The following ZER1 variants were observed in gnomAD, a reference collection of about 807,000 sequenced individuals.
ZER1 encodes the protein protein zer-1 homolog.
A neutral mutation model predicts 78.8 loss-of-function variants in ZER1; 11 were observed. The ratio of observed to expected loss-of-function variants is 0.14; its 90% CI spans 0.09 to 0.23. The LOEUF is 0.23. Ranked by LOEUF, ZER1 falls within the 10% of genes least tolerant of loss-of-function variation. The pLI, the probability that ZER1 is intolerant of heterozygous loss-of-function variation, is 1.00. For missense variants in ZER1, 588 were observed against 996.9 expected, an observed-to-expected ratio of 0.59 and a Z score of 5.52; for synonymous variants, 400 against 407.0, an observed-to-expected ratio of 0.98 and a Z score of 0.21.
chr9:128,736,551 G>A (rs1863089013), intron 13 of ZER1, among the ~76,000 whole-genome samples: 1 of 149,880 alleles, frequency 6.7e-6, no homozygotes. Flanking sequence ...ATGCCACCAT[G>A]CCCAGCTAAT....
chr9:128,758,590 T>G (rs929540091), intron 1 of ZER1, among the ~76,000 whole-genome samples: 1 of 151,934 alleles, frequency 6.6e-6, no homozygotes, highest in African/African-American at 2.4e-5. Context: ...GGCTAATCTT[T>G]CTGGTTTCTT....
At position 128,750,767 on chromosome 9, in the gene ZER1, C is replaced by T. The variant is rs1210422801; in HGVS notation, c.1208G>A (p.Cys403Tyr). 2.5e-6 allele frequency: 4 copies of T among 1,614,054 alleles called. No individual in the cohort carries two copies. Among genetic ancestry groups the T allele is most frequent in the Non-Finnish European group, 3.4e-6 (4 of 1,180,048 alleles). The change falls in exon 8 of 16, where the codon TGC becomes TAC. Residue 403 changes from cysteine to tyrosine, a missense_variant. Physicochemically the swap from Cys to Tyr is radical, Grantham distance 194. This residue lies in a region of ZER1 where 406 missense variants were observed against 660.1 expected (regional missense o/e 0.62). Coordinates refer to ENST00000291900, the MANE Select transcript of ZER1 (RefSeq NM_006336.4). ...TTGAATGTTCCTGTCATATTTGTGG[C>T]ACTTGAGGGCCGTGATGACCAGCTG... ...ALKLVITALK[C>Y]HKYDRNIQVT...
At chr9:128,749,227 C>CT (rs1863598992) in intron 8 of ZER1, among the ~76,000 whole-genome samples, 1 of 151,708 alleles carries the variant, frequency 6.6e-6, no homozygotes, top group South Asian at 2.1e-4. Flanking sequence ...ACTAGGGGGG[C>CT]TGAGGCAGGA....
At chr9:128,744,790 T>C (rs2132422809) in intron 8 of ZER1, among the ~76,000 whole-genome samples, 1 of 152,324 alleles carries the variant, frequency 6.6e-6, no homozygotes, top group Admixed American at 6.5e-5. Context: ...GCCCCCGCTT[T>C]TTATAGAGAT....
chr9:128,770,938 A>G (rs1369602719), intron 1 of ZER1, among the ~76,000 whole-genome samples: 1 of 152,118 alleles, frequency 6.6e-6, no homozygotes, highest in African/African-American at 2.4e-5. Context: ...TGGAGGCTGG[A>G]GCGGGCGGAT....
In ZER1 at chr9:128,753,665, C is replaced by T. The variant is rs771631432; in HGVS notation, c.310-65G>A. On this transcript the variant is annotated intron_variant, in intron 3 of 15. Coordinates refer to ENST00000291900, the MANE Select transcript of ZER1 (RefSeq NM_006336.4). This position sits in a 1 kb window ranked among gnomAD's most constrained non-coding sequence, Gnocchi z 7.5. ...CCCCTTCCCCCGGCCCCAGGCCTTG[C>T]CCTGGGCTACAGGTGGGTTGGAAAG... 5.8e-5 allele frequency: 91 copies of T among 1,580,590 alleles called. No homozygotes were observed. Among genetic ancestry groups the T allele is most frequent in the Non-Finnish European group, 7.3e-5 (85 of 1,163,434 alleles).
chr9:128,752,548 T>C, intron 5 of ZER1, 125 bp downstream of exon 5: 1 of 1,074,406 alleles, frequency 9.3e-7, no homozygotes, highest in Non-Finnish European at 1.3e-6. Flanking sequence ...CTCTAACTCC[T>C]GGCCTCAAGT....
rs1053341356 is a variant in ZER1 at position 128,736,673 on chromosome 9, T to A, written c.2043-1242A>T. Among the ~76,000 whole-genome samples the A allele has an allele frequency of 6.1e-5, 7 of 114,230 alleles. No homozygotes were observed. In the East Asian group the frequency reaches 1.5e-3, roughly 25 times the overall value. The allele number at this position is 114,230 out of a possible 152,430, so 74.9% of individuals were successfully genotyped here. On this transcript the variant is annotated intron_variant, in intron 13 of 15. Transcript: ENST00000291900. The stretch of plus-strand genomic sequence containing the variant: ...CAGGCGTGAGCCACCATGCCTGGCC[T>A]TTTTTTTTTTTTTTTTGGAGAAAGG...
intron 13 of ZER1, among the ~76,000 whole-genome samples, chr9:128,737,275 G>A (rs953276214): frequency 3.3e-5 from 5 of 151,938 alleles, no homozygotes; most frequent in East Asian, 3.9e-4. Flanking sequence ...GTGAGCCACC[G>A]CATCCGGCCT....
chr9:128,762,192 T>C lies in ZER1; in HGVS notation c.-94-6533A>G, dbSNP rs189913317. Among the ~76,000 whole-genome samples the C allele has an allele frequency of 5.1e-4, 78 of 152,210 alleles. 1 individual carries two copies. The highest frequency in any genetic ancestry group is 3.4e-3 in the Middle Eastern group (1 of 294). ...GCCCAAGACAGTTCCTTTTCCAGTG[T>C]GGCCCAGGGAAGCTAAAAGATTGGA... On this transcript the variant is annotated intron_variant, in intron 1 of 15. Coordinates refer to ENST00000291900, the MANE Select transcript of ZER1 (RefSeq NM_006336.4).
chr9:128,749,707 C>G (rs2132438230), intron 8 of ZER1, among the ~76,000 whole-genome samples: 1 of 151,338 alleles, frequency 6.6e-6, no homozygotes, highest in East Asian at 1.9e-4. Context: ...CCCGCCACTG[C>G]TCTCCAGCTT....
chr9:128,749,843 A>G (rs4837304), intron 8 of ZER1, among the ~76,000 whole-genome samples: 131,403 of 151,988 alleles, frequency 0.86, 58,247 homozygotes, highest in Non-Finnish European at 0.96. Flanking sequence ...CAGGAGTTCG[A>G]GACCAGCCTG....
At position 128,747,413 on chromosome 9, in the gene ZER1, C is replaced by T. The variant is rs76690655; in HGVS notation, c.1359+3203G>A. On this transcript the variant is annotated intron_variant, in intron 8 of 15. Transcript: ENST00000291900. ...GACCTTGGCCACTCCCTCCAAGCTC[C>T]AGCAGAGTCCTCCACACAGTGGCCT... 7.1e-3 allele frequency among the ~76,000 whole-genome samples: 1,086 copies of T among 152,270 alleles called. 16 individuals carry two copies. Among genetic ancestry groups the T allele is most frequent in the African/African-American group, 0.02 (847 of 41,550 alleles).
At position 128,761,749 on chromosome 9, in the gene ZER1, C is replaced by T. The variant is rs746052989; in HGVS notation, c.-94-6090G>A. ...CCTCCCAAGTAGCTGGGACTACAGG[C>T]GCCTGCGACCACGCTCGGCTAATTT... is the stretch of plus-strand genomic sequence containing the variant. On this transcript the variant is annotated intron_variant, in intron 1 of 15. Transcript: ENST00000291900. Among the ~76,000 whole-genome samples, 3 of 151,654 alleles carry T rather than the reference C, an allele frequency of 2.0e-5. No individual in the cohort carries two copies. In the South Asian group the frequency reaches 6.2e-4, roughly 32 times the overall value.
chr9:128,730,498 A>G lies in ZER1; in HGVS notation c.*839T>C, dbSNP rs1468004042. ...AGCGAGGAAGCAAGCCCCTGGCCCC[A>G]GAAGATGCTAGCTTCCAGGGCTGAG... On this transcript the variant is annotated 3_prime_UTR_variant, in exon 16 of 16. Coordinates refer to ENST00000291900, the MANE Select transcript of ZER1 (RefSeq NM_006336.4). 6.5e-6 allele frequency: 1 copy of G among 153,030 alleles called. No homozygotes were observed. The highest frequency in any genetic ancestry group is 1.5e-5 in the Non-Finnish European group (1 of 68,292). The allele number at this position is 153,030 out of a possible 1,614,324, so 9.5% of individuals were successfully genotyped here.
chr9:128,751,545 C>T lies in ZER1; in HGVS notation c.924-18G>A, dbSNP rs777957342. On this transcript the variant is annotated intron_variant, in intron 5 of 15. Transcript: ENST00000291900. This position sits in a 1 kb window ranked among gnomAD's most constrained non-coding sequence, Gnocchi z 5.4. ...GCTCAATGCTGGGGAAAGAGGGTGC[C>T]GGTGTCAGTGGCTTGGGACCCAGGC... 2.5e-5 allele frequency: 41 copies of T among 1,608,178 alleles called. 1 individual carries two copies. The highest frequency in any genetic ancestry group is 2.5e-4 in the Admixed American group (15 of 59,986).
chr9:128,758,799 C>T (rs1409313645), intron 1 of ZER1, among the ~76,000 whole-genome samples: 1 of 151,960 alleles, frequency 6.6e-6, no homozygotes, highest in Admixed American at 6.6e-5. Flanking sequence ...TGTGTCACTC[C>T]ACTAAGTTCA....
Position 128,755,268 on chromosome 9 carries a change from T to C in ZER1, c.158+140A>G, listed in dbSNP as rs917825780. ...ATACACCACTATTCTCTTGCAGCCA[T>C]GAACATCCATGTGCACACACACACA... On this transcript the variant is annotated intron_variant, in intron 2 of 15. Transcript: ENST00000291900. This position sits in a 1 kb window ranked among gnomAD's most constrained non-coding sequence, Gnocchi z 5.6. 1.6e-6 allele frequency: 2 copies of C among 1,240,668 alleles called. No homozygotes were observed. Among genetic ancestry groups the C allele is most frequent in the Non-Finnish European group, 2.3e-6 (2 of 869,278 alleles). 76.9% of individuals were successfully genotyped at this position (1,240,668 alleles called of 1,614,324 possible).
chr9:128,731,437 T>TGGGGGGGGGTGGGGG, intron 15 of ZER1, 43 bp from the exon 16 acceptor site: 1 of 451,604 alleles, frequency 2.2e-6, no homozygotes, highest in Non-Finnish European at 4.3e-6. Context: ...TGGGCTTGGG[T>TGGGGGGGGGTGGGGG]GGGGGTGAGC....
Sources: gnomAD v4.1 joint callset for allele counts (sites outside exome capture counted in the v4.1 genomes callset) on GRCh38, gnomAD v4.1.1 for gene constraint, gnomAD v4.1.1 regional missense constraint, Gnocchi (gnomAD v3.1) non-coding constraint, MANE v1.5 for transcripts, NCBI Gene and HGNC (gene_info 2026-07-23, HGNC 2026-07-21) for gene names.